The following TOM1 variants were observed in gnomAD, a reference collection of about 807,000 sequenced individuals.
The protein encoded by TOM1 is target of Myb protein 1.
TOM1 carries 38 observed loss-of-function variants against 61.3 expected under a neutral mutation model. That is an observed-to-expected ratio of 0.62 (90% CI 0.48 to 0.81). The LOEUF (loss-of-function observed/expected upper bound fraction) is 0.81. Among genes scored for constraint, TOM1 ranks in the 40% least tolerant of loss-of-function variants. TOM1 has a pLI of 0.00. For missense variants in TOM1, 591 were observed against 659.6 expected, an observed-to-expected ratio of 0.90 and a Z score of 1.14; for synonymous variants, 270 against 268.8, an observed-to-expected ratio of 1.00 and a Z score of -0.04.
intron 13 of TOM1, among the ~76,000 whole-genome samples, chr22:35,345,986 C>T (rs768760110): frequency 1.3e-5 from 2 of 152,230 alleles, no homozygotes; most frequent in East Asian, 1.9e-4. Context: ...AGTAGCCTCT[C>T]GGCTGCTTCC....
chr22:35,334,792 A>G (rs1301641739), intron 11 of TOM1, among the ~76,000 whole-genome samples: 2 of 152,032 alleles, frequency 1.3e-5, no homozygotes, highest in African/African-American at 4.8e-5. Flanking sequence ...CTAGGTTAGG[A>G]GCCTAGGGCT....
At chr22:35,334,917 A>C (rs1929171283) in intron 11 of TOM1, among the ~76,000 whole-genome samples, 1 of 148,768 alleles carries the variant, frequency 6.7e-6, no homozygotes, top group African/African-American at 2.5e-5. Context: ...GGGACTTTCA[A>C]GTCAAGTCTT....
intron 11 of TOM1, among the ~76,000 whole-genome samples, chr22:35,335,098 G>T (rs1929190068): frequency 6.6e-6 from 1 of 152,292 alleles, no homozygotes; most frequent in South Asian, 2.1e-4. Flanking sequence ...CTGACCCCTT[G>T]CCGGGACCTG....
chr22:35,317,182 T>C (rs942496119), intron 1 of TOM1, among the ~76,000 whole-genome samples: 12 of 152,174 alleles, frequency 7.9e-5, no homozygotes, highest in Non-Finnish European at 1.6e-4. Context: ...AAAAGATAAT[T>C]CTTTTTTGCT....
intron 10 of TOM1, among the ~76,000 whole-genome samples, chr22:35,334,006 A>G (rs1929062739): frequency 6.6e-6 from 1 of 152,178 alleles, no homozygotes; most frequent in Non-Finnish European, 1.5e-5. Context: ...CACTAATGCT[A>G]TACTTTTTGA....
At chr22:35,303,062 T>G (rs1925988433) in intron 1 of TOM1, among the ~76,000 whole-genome samples, 1 of 152,040 alleles carries the variant, frequency 6.6e-6, no homozygotes, top group Non-Finnish European at 1.5e-5. Flanking sequence ...AGATGGTGAT[T>G]CTAATGATGC....
intron 6 of TOM1, 66 bp from the exon 7 acceptor site, chr22:35,327,205 G>A: frequency 6.7e-7 from 1 of 1,497,714 alleles, no homozygotes; most frequent in East Asian, 2.3e-5. Flanking sequence ...ACTGGGTTCT[G>A]TCGCTGTGAG....
rs1468472755 is a variant in TOM1 at position 35,319,577 on chromosome 22, C to G, written c.137+1616C>G. The stretch of plus-strand genomic sequence containing the variant: ...GCGTCCAACAAGGACGCTGTCCCTG[C>G]GCTCTAGGAGGCTTCTTCTCTCCCA... On this transcript the variant is annotated intron_variant, in intron 2 of 14. Coordinates refer to ENST00000449058, the MANE Select transcript of TOM1 (RefSeq NM_005488.3). Among the ~76,000 whole-genome samples, 4 of 152,224 alleles carry G rather than the reference C, an allele frequency of 2.6e-5. No individual in the cohort carries two copies. In the East Asian group the frequency reaches 7.7e-4, roughly 29 times the overall value.
Position 35,330,232 on chromosome 22 carries a change from A to C in TOM1, c.766-115A>C. 3.7e-6 allele frequency: 4 copies of C among 1,092,410 alleles called. No homozygotes were observed. In the South Asian group the frequency reaches 4.6e-5, roughly 12 times the overall value. 67.7% of individuals were successfully genotyped at this position (1,092,410 alleles called of 1,614,324 possible). ...CCAGGACACAGCTTGCAGTGAGCCA[A>C]GATCGCACCACTGCACTCCAGCCTG... On this transcript the variant is annotated intron_variant, in intron 7 of 14. Transcript: ENST00000449058.
chr22:35,315,468 G>T (rs760301150), intron 1 of TOM1, among the ~76,000 whole-genome samples: 2 of 152,180 alleles, frequency 1.3e-5, no homozygotes, highest in African/African-American at 2.4e-5. Context: ...GTTCTTCCCA[G>T]GTGGCTCTAT....
At chr22:35,340,767 G>C (rs1311831577) in intron 12 of TOM1, among the ~76,000 whole-genome samples, 1 of 152,124 alleles carries the variant, frequency 6.6e-6, no homozygotes, top group Non-Finnish European at 1.5e-5. Context: ...GGAAAGCAGG[G>C]AGGGACGAGT....
chr22:35,323,650 G>A lies in TOM1; in HGVS notation c.501+20G>A, dbSNP rs766507715. 78 of 1,614,046 alleles carry A rather than the reference G, an allele frequency of 4.8e-5. No homozygotes were observed. The highest frequency in any genetic ancestry group is 3.3e-4 in the Middle Eastern group (2 of 6,062). On this transcript the variant is annotated intron_variant, in intron 5 of 14. Coordinates refer to ENST00000449058, the MANE Select transcript of TOM1 (RefSeq NM_005488.3). This position sits in a 1 kb window ranked among gnomAD's most constrained non-coding sequence, Gnocchi z 4.2. ...CAGAGGGTGAGAGAACTGCCGTACC[G>A]GGAACCAAGGGAAGGGAGGCAGGAC... is the stretch of plus-strand genomic sequence containing the variant.
chr22:35,321,722 G>A (rs542760224), intron 2 of TOM1: 5 of 642,226 alleles, frequency 7.8e-6, no homozygotes, highest in Admixed American at 4.2e-5. Context: ...TTAACAAAAC[G>A]CTCTCATCTT....
Position 35,322,489 on chromosome 22 carries a change from C to T in TOM1, c.216+452C>T, listed in dbSNP as rs557880323. 11 of 189,512 alleles carry T rather than the reference C, an allele frequency of 5.8e-5. No individual in the cohort carries two copies. In the East Asian group the frequency reaches 1.1e-3, roughly 19 times the overall value. The allele number at this position is 189,512 out of a possible 1,614,324, so 11.7% of individuals were successfully genotyped here. A position where few individuals can be genotyped will look rare whatever the true frequency, so the allele number is the denominator to read the frequency against. On this transcript the variant is annotated intron_variant, in intron 3 of 14. Coordinates refer to ENST00000449058, the MANE Select transcript of TOM1 (RefSeq NM_005488.3). ...CCAGATCTCAGGGCGGCCAGACACA[C>T]GTGGGCCTCCTAGCCGTCAGCATGG...
intron 1 of TOM1, among the ~76,000 whole-genome samples, chr22:35,302,626 C>T (rs780573900): frequency 5.9e-5 from 9 of 152,206 alleles, no homozygotes; most frequent in East Asian, 1.9e-4. Context: ...CCACCGTGTC[C>T]GGCCTAGAAT....
chr22:35,312,243 C>CAA (rs61692841), intron 1 of TOM1, among the ~76,000 whole-genome samples: 3 of 116,846 alleles, frequency 2.6e-5, no homozygotes, highest in Non-Finnish European at 2.0e-5. Context: ...GACTCCGTCT[C>CAA]AAAAAAAAAA....
At chr22:35,342,916 C>T (rs1178814870) in intron 12 of TOM1, among the ~76,000 whole-genome samples, 2 of 145,574 alleles carry the variant, frequency 1.4e-5, no homozygotes, top group African/African-American at 5.1e-5. Context: ...CCACACACAC[C>T]TCCACACGTC....
Position 35,345,800 on chromosome 22 carries a change from C to T in TOM1, c.1284+16C>T. ...CACTGACGTGGTATGTTGGGGCCCA[C>T]TCCTCACCCACACAGCAGGAGGACC... On this transcript the variant is annotated intron_variant, in intron 13 of 14. Transcript: ENST00000449058. The T allele has an allele frequency of 6.2e-7, 1 of 1,613,366 alleles. No homozygotes were observed. The highest frequency in any genetic ancestry group is 8.5e-7 in the Non-Finnish European group (1 of 1,179,742).
chr22:35,324,045 T>C (rs1928095848), intron 6 of TOM1, 131 bp downstream of exon 6: 1 of 1,142,596 alleles, frequency 8.8e-7, no homozygotes, highest in South Asian at 1.8e-5. Flanking sequence ...AGGGTATGTG[T>C]GGTTCTTCCT....
Sources: gnomAD v4.1 joint callset for allele counts (sites outside exome capture counted in the v4.1 genomes callset) on GRCh38, gnomAD v4.1.1 for gene constraint, Gnocchi (gnomAD v3.1) non-coding constraint, MANE v1.5 for transcripts, NCBI Gene and HGNC (gene_info 2026-07-23, HGNC 2026-07-21) for gene names.